ETS1: variants seen among roughly 807,000 people sequenced by gnomAD.
The protein encoded by ETS1 is protein C-ets-1.
ETS1 carries 15 observed loss-of-function variants against 58.6 expected under a neutral mutation model. The ratio of observed to expected loss-of-function variants is 0.26; its 90% confidence interval spans 0.17 to 0.39. The LOEUF is 0.39. ETS1 is among the 10% of genes least tolerant of loss of function. The probability of loss-of-function intolerance (pLI) is 1.00; values close to 1 mark genes in which losing one functional copy is unlikely to be tolerated. For synonymous variants in ETS1, 214 were observed against 218.2 expected (o/e 0.98, Z 0.17); for missense variants, 417 against 610.5 (o/e 0.68, Z 3.34).
rs143269804 is a variant in ETS1, at chr11:128,525,144, C to T, written c.214+31147G>A. Among the ~76,000 whole-genome samples the T allele has an allele frequency of 6.2e-3, 937 of 152,160 alleles. 4 individuals carry two copies. The highest frequency in any genetic ancestry group is 0.021 in the African/African-American group (891 of 41,490). ...GTATTTTTAAGCATTCCTTAGACTT[C>T]GGCTAATTATATCCTACCAAGTGCT... On this transcript the variant is annotated intron_variant, in intron 3 of 9. Transcript: ENST00000392668.
intron 3 of ETS1, among the ~76,000 whole-genome samples, chr11:128,522,995 C>T (rs1863730596): frequency 6.8e-6 from 1 of 148,020 alleles, no homozygotes; most frequent in African/African-American, 2.4e-5. Flanking sequence ...AAACTAGAAC[C>T]CAGCCATGAG....
intron 3 of ETS1, among the ~76,000 whole-genome samples, chr11:128,531,426 G>A (rs1565399465): frequency 6.6e-6 from 1 of 152,170 alleles, no homozygotes; most frequent in Non-Finnish European, 1.5e-5. Context: ...CGGATTTAGT[G>A]AGCATAAAAT....
At position 128,549,274 on chromosome 11, in the gene ETS1, C is replaced by T. The variant is rs1214460808; in HGVS notation, c.214+7017G>A. On this transcript the variant is annotated intron_variant, in intron 3 of 9. Transcript: ENST00000392668. The surrounding 1 kb of genome is among the most constrained non-coding windows in gnomAD (Gnocchi z 4.3). ...ACTCTCACGCGCCCCTCGCCCCTCG[C>T]CCCTCGCCCCTCGCCCCTCTCCTGG... Among the ~76,000 whole-genome samples, 6 of 151,910 alleles carry T rather than the reference C, an allele frequency of 3.9e-5. No individual in the cohort carries two copies. The highest frequency in any genetic ancestry group is 3.9e-4 in the Admixed American group (6 of 15,268).
chr11:128,524,474 C>T (rs1034093622), intron 3 of ETS1, among the ~76,000 whole-genome samples: 3 of 152,114 alleles, frequency 2.0e-5, no homozygotes, highest in Non-Finnish European at 4.4e-5. Flanking sequence ...AGTTATGCAT[C>T]GAACCCTGGA....
At chr11:128,541,950 G>C (rs1449718850) in intron 3 of ETS1, among the ~76,000 whole-genome samples, 1 of 152,204 alleles carries the variant, frequency 6.6e-6, no homozygotes, top group African/African-American at 2.4e-5. Flanking sequence ...CAATGTGGAA[G>C]ATAAAGTCAA....
At chr11:128,503,152 C>A (rs1863134466) in intron 3 of ETS1, among the ~76,000 whole-genome samples, 1 of 152,150 alleles carries the variant, frequency 6.6e-6, no homozygotes, top group Admixed American at 6.5e-5. Flanking sequence ...AGGAGATATA[C>A]AAATCTAAAT....
At chr11:128,505,684 C>G (rs1313960462) in intron 3 of ETS1, among the ~76,000 whole-genome samples, 3 of 152,176 alleles carry the variant, frequency 2.0e-5, no homozygotes, top group Non-Finnish European at 4.4e-5. Flanking sequence ...GCGAGACCAA[C>G]CAATGGGTGG....
intron 3 of ETS1, among the ~76,000 whole-genome samples, chr11:128,512,029 C>T (rs1863406350): frequency 1.3e-5 from 2 of 152,186 alleles, no homozygotes; most frequent in African/African-American, 2.4e-5. Context: ...TATGCACAAA[C>T]GGACCTTAGT....
intron 3 of ETS1, among the ~76,000 whole-genome samples, chr11:128,519,614 C>T (rs527493981): frequency 6.6e-6 from 1 of 152,356 alleles, no homozygotes; most frequent in South Asian, 2.1e-4. Flanking sequence ...TGGCCAGAAA[C>T]ACCGTTTCTC....
chr11:128,576,583 G>T (rs1404927552), intron 1 of ETS1, among the ~76,000 whole-genome samples: 1 of 152,124 alleles, frequency 6.6e-6, no homozygotes, highest in Non-Finnish European at 1.5e-5. Flanking sequence ...TTGCAGAGCT[G>T]AGTTTATTTT....
At chr11:128,472,107 AGTACTT>A (rs530603334) in intron 8 of ETS1, among the ~76,000 whole-genome samples, 186 of 152,336 alleles carry the variant, frequency 1.2e-3, no homozygotes, top group African/African-American at 4.4e-3. Context: ...TAGCGGAACA[AGTACTT>A]TTTGTTTCAC....
rs749415333 is a variant in ETS1 at position 128,486,121 on chromosome 11, A to G, written c.561T>C (p.Asn187=). The change falls in exon 6 of 10, where the codon AAT becomes AAC. Residue 187 remains asparagine (N), a synonymous_variant. Coordinates refer to ENST00000392668, the MANE Select transcript of ETS1 (RefSeq NM_001143820.2). Reference sequence around the variant, plus strand: ...ATTCTGGATAGGCTGGGTTGACTCCATTAACTTGATATGGTTTCACATCCT... The same window carrying G: ...ATTCTGGATAGGCTGGGTTGACTCCGTTAACTTGATATGGTTTCACATCCT... The part of the protein sequence containing the change: ...QKEDVKPYQV[N]GVNPAYPESR... 2.5e-6 allele frequency: 4 copies of G among 1,610,532 alleles called. No individual in the cohort carries two copies. The Admixed American group carries it at 6.7e-5, about 27-fold the overall frequency.
chr11:128,546,659 A>T (rs969643751), intron 3 of ETS1, among the ~76,000 whole-genome samples: 19 of 150,580 alleles, frequency 1.3e-4, no homozygotes, highest in African/African-American at 3.4e-4. Context: ...TTTAAAAAAA[A>T]TTTTTTTTTT....
In ETS1 at chr11:128,584,938, AAAAGAAAG is replaced by A. The variant is rs765433081; in HGVS notation, c.-15+2542_-15+2549del. 7.8e-3 allele frequency among the ~76,000 whole-genome samples: 490 copies of A among 62,600 alleles called. 53 individuals carry two copies. Among genetic ancestry groups the A allele is most frequent in the Non-Finnish European group, 0.011 (347 of 30,860 alleles). 41.1% of individuals were successfully genotyped at this position (62,600 alleles called of 152,430 possible). ...AGAAAGAAAGAGGAAGAAAAAAGAGAAAAGAAAGAAAGAAAGAAAGAAAGAAAGAAAGA... is the reference window on the plus strand; with the variant it reads ...AGAAAGAAAGAGGAAGAAAAAAGAGAAAAGAAAGAAAGAAAGAAAGAAAGA... On this transcript the variant is annotated intron_variant, in intron 1 of 9. Coordinates refer to ENST00000392668, the MANE Select transcript of ETS1 (RefSeq NM_001143820.2).
intron 3 of ETS1, among the ~76,000 whole-genome samples, chr11:128,520,627 C>T (rs1341081978): frequency 6.6e-6 from 1 of 152,208 alleles, no homozygotes; most frequent in Non-Finnish European, 1.5e-5. Context: ...CAGCTGCGCT[C>T]TCAGCATTGC....
At chr11:128,476,933 ATT>A (rs1862339465) in intron 8 of ETS1, among the ~76,000 whole-genome samples, 1 of 152,234 alleles carries the variant, frequency 6.6e-6, no homozygotes, top group Non-Finnish European at 1.5e-5. Flanking sequence ...TCTTGACCTC[ATT>A]TAACAAGTTG....
Position 128,549,332 on chromosome 11 carries a change from G to A in ETS1, c.214+6959C>T, listed in dbSNP as rs370843244. Among the ~76,000 whole-genome samples, 1,376 of 150,646 alleles carry A rather than the reference G, an allele frequency of 9.1e-3. 23 individuals carry two copies. Among genetic ancestry groups the A allele is most frequent in the African/African-American group, 0.031 (1,273 of 40,802 alleles). On this transcript the variant is annotated intron_variant, in intron 3 of 9. Transcript: ENST00000392668. The surrounding 1 kb of genome is among the most constrained non-coding windows in gnomAD (Gnocchi z 4.3). ...CTCCCACCTCATCGGCCCACCCGAA[G>A]ATGTCCATTCACCCAGTGCCGCGGC... is the stretch of plus-strand genomic sequence containing the variant.
rs1861862561 is a variant in ETS1, at chr11:128,460,023, A to G, written c.*2338T>C. 6.6e-6 allele frequency: 1 copy of G among 152,582 alleles called. No individual in the cohort carries two copies. Among genetic ancestry groups the G allele is most frequent in the African/African-American group, 2.4e-5 (1 of 41,400 alleles). 9.5% of individuals were successfully genotyped at this position (152,582 alleles called of 1,614,324 possible). The stretch of plus-strand genomic sequence containing the variant: ...CCATTATTGAAATGTGGAAAGACTT[A>G]CCTAGAAATCTAAGGTATTATTTCA... On this transcript the variant is annotated 3_prime_UTR_variant, in exon 10 of 10. Transcript: ENST00000392668.
chr11:128,488,110 A>T (rs1233335597), intron 5 of ETS1, among the ~76,000 whole-genome samples: 60 of 152,182 alleles, frequency 3.9e-4, no homozygotes, highest in Non-Finnish European at 4.4e-5. Flanking sequence ...TCAACAGTCA[A>T]ATCAGATCTG....
Sources: gnomAD v4.1 joint callset for allele counts (sites outside exome capture counted in the v4.1 genomes callset) on GRCh38, gnomAD v4.1.1 for gene constraint, Gnocchi (gnomAD v3.1) non-coding constraint, MANE v1.5 for transcripts, NCBI Gene and HGNC (gene_info 2026-07-23, HGNC 2026-07-21) for gene names.